Variants in ACSF3 observed in about 807,000 individuals in gnomAD.
The protein encoded by ACSF3 is acyl-CoA synthetase family member 3, also known as malonate--CoA ligase ACSF3, mitochondrial.
A neutral mutation model predicts 53.2 loss-of-function variants in ACSF3; 78 were observed. The ratio of observed to expected loss-of-function variants is 1.47; its 90% confidence interval spans 1.22 to 1.77. The LOEUF is 1.77. Among genes scored for constraint, ACSF3 ranks in the 40% most tolerant of loss-of-function variants. ACSF3 has a pLI of 0.00. For synonymous variants in ACSF3, 414 were observed against 333.1 expected (o/e 1.24, Z -2.65); for missense variants, 937 against 771.1 (o/e 1.22, Z -2.55).
intron 8 of ACSF3, among the ~76,000 whole-genome samples, chr16:89,134,007 A>C (rs530679364): frequency 6.6e-6 from 1 of 152,186 alleles, no homozygotes; most frequent in Non-Finnish European, 1.5e-5. Context: ...GCTTGGTCCC[A>C]GGATCCCACA....
chr16:89,125,916 T>C (rs1172920811), intron 7 of ACSF3, among the ~76,000 whole-genome samples: 3 of 152,196 alleles, frequency 2.0e-5, no homozygotes, highest in African/African-American at 7.2e-5. Context: ...GTGAACCTGG[T>C]GTGTCTCTCC....
At chr16:89,096,381 C>CTT (rs2151387831) in intron 1 of ACSF3, among the ~76,000 whole-genome samples, 1 of 152,260 alleles carries the variant, frequency 6.6e-6, no homozygotes. Flanking sequence ...AGCTGGGGTG[C>CTT]CTCTGGACCG....
At chr16:89,142,985 C>T (rs1050571768) in intron 8 of ACSF3, among the ~76,000 whole-genome samples, 1 of 152,246 alleles carries the variant, frequency 6.6e-6, no homozygotes, top group Non-Finnish European at 1.5e-5. Context: ...CCATTGCCGA[C>T]GTTGGCGTGA....
In ACSF3 at chr16:89,101,172, G is replaced by T. The variant is rs747228733; in HGVS notation, c.491G>T (p.Gly164Val). 1.2e-6 allele frequency: 2 copies of T among 1,612,054 alleles called. No homozygotes were observed. The highest frequency in any genetic ancestry group is 1.7e-6 in the Non-Finnish European group (2 of 1,179,272). The change falls in exon 3 of 11, where the codon GGG (glycine) becomes GTG (valine). Residue 164 changes from glycine to valine, a missense_variant. Transcript: ENST00000614302. ...ELLSPVVRKLGVPLLPLTPAI... is the reference protein window; with the variant it reads ...ELLSPVVRKLVVPLLPLTPAI... ...CTGAGCCCGGTGGTCAGGAAGCTGGGGGTCCCGCTGCTGCCGCTCACACCA... is the reference window on the plus strand; with the variant it reads ...CTGAGCCCGGTGGTCAGGAAGCTGGTGGTCCCGCTGCTGCCGCTCACACCA...
chr16:89,121,381 G>T (rs112072526), intron 7 of ACSF3, among the ~76,000 whole-genome samples: 3 of 152,312 alleles, frequency 2.0e-5, no homozygotes, highest in African/African-American at 7.2e-5. Flanking sequence ...GATTCACGGG[G>T]CCCTGCACGC....
At chr16:89,102,243 G>C (rs540240520) in intron 3 of ACSF3, 35 of 371,132 alleles carry the variant, frequency 9.4e-5, no homozygotes, top group African/African-American at 7.3e-4. Flanking sequence ...CAGTGGTTGG[G>C]CTGGGAGTCG....
At chr16:89,137,044 C>T (rs539636957) in intron 8 of ACSF3, among the ~76,000 whole-genome samples, 83 of 152,310 alleles carry the variant, frequency 5.4e-4, no homozygotes, top group African/African-American at 1.9e-3. Flanking sequence ...TGGAAGGTGA[C>T]GTGGAGGTGG....
intron 7 of ACSF3, among the ~76,000 whole-genome samples, chr16:89,124,747 T>C (rs575462549): frequency 6.6e-6 from 1 of 151,874 alleles, no homozygotes; most frequent in South Asian, 2.1e-4. Flanking sequence ...GTTACCTGTG[T>C]GCAACACTGC....
chr16:89,103,229 G>T (rs2151418720), intron 4 of ACSF3, among the ~76,000 whole-genome samples: 1 of 152,376 alleles, frequency 6.6e-6, no homozygotes, highest in Middle Eastern at 3.4e-3. Context: ...TACAGGCCCT[G>T]CTGCCCGCGA....
chr16:89,132,906 G>A (rs561416394), intron 7 of ACSF3, among the ~76,000 whole-genome samples: 1 of 152,222 alleles, frequency 6.6e-6, no homozygotes, highest in Admixed American at 6.5e-5. Flanking sequence ...CCCAGCTCCC[G>A]GCCAGGGCAC....
intron 6 of ACSF3, 25 bp from the exon 7 acceptor site, chr16:89,120,776 C>T: frequency 6.2e-6 from 10 of 1,608,320 alleles, no homozygotes; most frequent in East Asian, 2.2e-5. Context: ...CCAGCCTCCC[C>T]TTCAGTGTTT....
intron 10 of ACSF3, chr16:89,148,109 T>G (rs544602562): frequency 2.7e-5 from 4 of 148,178 alleles, no homozygotes; most frequent in Admixed American, 6.7e-5. Flanking sequence ...TGGTTTTTTT[T>G]TTTTTTTTTT....
rs1417042919 is a variant in ACSF3, at chr16:89,154,215, G to C, written c.*8G>C. On this transcript the variant is annotated 3_prime_UTR_variant, in exon 11 of 11. Transcript: ENST00000614302. Reference sequence around the variant, plus strand: ...CACTTCCACCCCTCATGACCCGGCAGACTGGGACTGCGGGTCTGGTGGGGA... The same window carrying C: ...CACTTCCACCCCTCATGACCCGGCACACTGGGACTGCGGGTCTGGTGGGGA... 6.2e-6 allele frequency: 10 copies of C among 1,612,166 alleles called. No individual in the cohort carries two copies. In the African/African-American group the frequency reaches 1.3e-4, roughly 22 times the overall value.
At chr16:89,109,691 C>T (rs956018301) in intron 4 of ACSF3, among the ~76,000 whole-genome samples, 3 of 152,214 alleles carry the variant, frequency 2.0e-5, no homozygotes, top group South Asian at 4.2e-4. Flanking sequence ...TGATTATAGC[C>T]GTGAGCCCGC....
At chr16:89,109,455 A>T (rs558779576) in intron 4 of ACSF3, among the ~76,000 whole-genome samples, 19 of 113,350 alleles carry the variant, frequency 1.7e-4, no homozygotes, top group African/African-American at 6.2e-4. Context: ...TCTGTCGCTC[A>T]GGCTGGAGTG....
chr16:89,139,763 T>C (rs931570494), intron 8 of ACSF3, among the ~76,000 whole-genome samples: 1 of 151,648 alleles, frequency 6.6e-6, no homozygotes, highest in African/African-American at 2.4e-5. Flanking sequence ...CCTGGCTGAT[T>C]TTTGTATTTT....
intron 7 of ACSF3, 76 bp from the exon 8 acceptor site, chr16:89,133,060 A>G: frequency 2.5e-6 from 4 of 1,593,114 alleles, no homozygotes; most frequent in Admixed American, 1.7e-5. Flanking sequence ...GGCAGGGAGC[A>G]GCCCACAGTT....
intron 7 of ACSF3, among the ~76,000 whole-genome samples, chr16:89,131,054 T>C (rs1909173431): frequency 6.6e-6 from 1 of 151,970 alleles, no homozygotes; most frequent in African/African-American, 2.4e-5. Flanking sequence ...ATCTGTTATT[T>C]CTTTGTTGAG....
intron 8 of ACSF3, among the ~76,000 whole-genome samples, chr16:89,140,013 C>G (rs1011229013): frequency 1.3e-5 from 2 of 152,190 alleles, no homozygotes; most frequent in African/African-American, 4.8e-5. Flanking sequence ...GCGCTGAGCC[C>G]AGGTCAGGGA....
Sources: gnomAD v4.1 joint callset for allele counts (sites outside exome capture counted in the v4.1 genomes callset) on GRCh38, gnomAD v4.1.1 for gene constraint, MANE v1.5 for transcripts, NCBI Gene and HGNC (gene_info 2026-07-23, HGNC 2026-07-21) for gene names.